ADCY8: variants seen among roughly 807,000 people sequenced by gnomAD.
The protein encoded by ADCY8 is adenylate cyclase 8.
Under a neutral mutation model 119.7 loss-of-function variants are expected in ADCY8, and 51 were observed. The ratio of observed to expected loss-of-function variants is 0.43; its 90% CI spans 0.34 to 0.54. ADCY8 has a LOEUF of 0.54. Among genes scored for constraint, ADCY8 ranks in the 20% least tolerant of loss-of-function variants. The probability of loss-of-function intolerance (pLI) is 0.03; values close to 1 mark genes in which losing one functional copy is unlikely to be tolerated. For missense variants in ADCY8, 1,383 were observed against 1,598.8 expected (o/e 0.87, Z 2.30); for synonymous variants, 665 against 651.0 (o/e 1.02, Z -0.33).
chr8:130,984,767 C>T (rs1474236170), intron 2 of ADCY8, among the ~76,000 whole-genome samples: 1 of 152,078 alleles, frequency 6.6e-6, no homozygotes, highest in Non-Finnish European at 1.5e-5. Flanking sequence ...GCGTGTATCA[C>T]AGAGAAAGAG....
At chr8:130,838,362 T>C (rs1341174221) in intron 11 of ADCY8, among the ~76,000 whole-genome samples, 1 of 152,258 alleles carries the variant, frequency 6.6e-6, no homozygotes, top group East Asian at 1.9e-4. Flanking sequence ...TCAAATGGGA[T>C]GATAGGCTTT....
chr8:130,825,071 G>A (rs531577158), intron 12 of ADCY8, among the ~76,000 whole-genome samples: 14 of 152,202 alleles, frequency 9.2e-5, no homozygotes, highest in African/African-American at 3.1e-4. Context: ...TAATTGATGT[G>A]TAACAATTGT....
chr8:130,926,063 G>A lies in ADCY8; in HGVS notation c.1481+11010C>T, dbSNP rs75544242. ...ATTGCCTGAGGGATAAAGCCCCAGC[G>A]TATCGTACCCTAACCCTATTGTTTT... On this transcript the variant is annotated intron_variant, in intron 5 of 17. Transcript: ENST00000286355. 3.4e-3 allele frequency among the ~76,000 whole-genome samples: 513 copies of A among 152,238 alleles called. 6 individuals carry two copies. Among genetic ancestry groups the A allele is most frequent in the African/African-American group, 0.012 (484 of 41,532 alleles).
intron 8 of ADCY8, among the ~76,000 whole-genome samples, chr8:130,875,529 A>G (rs1250736512): frequency 6.6e-6 from 1 of 152,216 alleles, no homozygotes; most frequent in Admixed American, 6.5e-5. Flanking sequence ...AATGTCCCCA[A>G]GACAAAAATG....
intron 3 of ADCY8, among the ~76,000 whole-genome samples, chr8:130,948,897 C>G (rs1283666393): frequency 4.6e-5 from 7 of 152,064 alleles, no homozygotes; most frequent in African/African-American, 1.7e-4. Context: ...GGGCAGGAGA[C>G]GCCCCGCCGC....
chr8:130,870,018 C>CT (rs563831552), intron 8 of ADCY8, among the ~76,000 whole-genome samples: 60,625 of 115,734 alleles, frequency 0.52, 14,443 homozygotes, highest in East Asian at 0.7. Flanking sequence ...CTTTCTTCTT[C>CT]TTTTTTTTTT....
intron 5 of ADCY8, among the ~76,000 whole-genome samples, chr8:130,924,033 G>A (rs7461923): frequency 0.29 from 43,716 of 152,026 alleles, 7,106 homozygotes; most frequent in East Asian, 0.56. Context: ...TGATCCTTTG[G>A]GTATTGATGG....
At chr8:130,826,189 G>C (rs1323404597) in intron 12 of ADCY8, among the ~76,000 whole-genome samples, 1 of 152,140 alleles carries the variant, frequency 6.6e-6, no homozygotes, top group Non-Finnish European at 1.5e-5. Flanking sequence ...ATCTTCCTAT[G>C]TTTGAAAAGA....
chr8:130,989,077 T>C (rs1822494033), intron 2 of ADCY8, among the ~76,000 whole-genome samples: 1 of 152,252 alleles, frequency 6.6e-6, no homozygotes, highest in Admixed American at 6.5e-5. Flanking sequence ...ATGTTTATTG[T>C]ACAAGGTGTC....
chr8:130,994,618 C>G (rs919069916), intron 1 of ADCY8, among the ~76,000 whole-genome samples: 4 of 152,224 alleles, frequency 2.6e-5, no homozygotes, highest in African/African-American at 9.6e-5. Context: ...TGAGGAATCA[C>G]TGATCCTGTG....
At chr8:130,966,492 G>A (rs771356710) in intron 2 of ADCY8, among the ~76,000 whole-genome samples, 1 of 152,158 alleles carries the variant, frequency 6.6e-6, no homozygotes, top group Non-Finnish European at 1.5e-5. Flanking sequence ...AAATAAATTG[G>A]TACAATAAGG....
intron 14 of ADCY8, among the ~76,000 whole-genome samples, chr8:130,810,774 T>C (rs1227735133): frequency 1.3e-5 from 2 of 152,192 alleles, no homozygotes; most frequent in African/African-American, 2.4e-5. Flanking sequence ...GTCTTATACA[T>C]GCGATTAATG....
chr8:130,848,404 G>T (rs182505836), intron 10 of ADCY8, among the ~76,000 whole-genome samples: 1 of 152,320 alleles, frequency 6.6e-6, no homozygotes, highest in Non-Finnish European at 1.5e-5. Context: ...TTCCATTTCA[G>T]TTATCATAAT....
At chr8:130,997,595 A>T (rs1050329478) in intron 1 of ADCY8, among the ~76,000 whole-genome samples, 1 of 152,218 alleles carries the variant, frequency 6.6e-6, no homozygotes, top group African/African-American at 2.4e-5. Flanking sequence ...GACCATCCAG[A>T]TAGAGTCTCC....
At chr8:130,931,325 T>C (rs1190078222) in intron 5 of ADCY8, among the ~76,000 whole-genome samples, 1 of 152,240 alleles carries the variant, frequency 6.6e-6, no homozygotes, top group African/African-American at 2.4e-5. Flanking sequence ...TTGGGACTCC[T>C]ATATATGGTA....
intron 1 of ADCY8, among the ~76,000 whole-genome samples, chr8:131,009,047 G>C (rs4388440): frequency 0.56 from 84,441 of 152,054 alleles, 24,280 homozygotes; most frequent in East Asian, 0.78. Context: ...AATTTGCAAC[G>C]TGACAATGCA....
chr8:130,891,440 T>G (rs1450314963), intron 7 of ADCY8, among the ~76,000 whole-genome samples: 1 of 152,186 alleles, frequency 6.6e-6, no homozygotes, highest in African/African-American at 2.4e-5. Flanking sequence ...ATTATAATAA[T>G]ATACAATTAT....
chr8:130,903,873 C>G lies in ADCY8; in HGVS notation c.1810G>C (p.Glu604Gln). 6.2e-7 allele frequency: 1 copy of G among 1,614,044 alleles called. No individual in the cohort carries two copies. Among genetic ancestry groups the G allele is most frequent in the Middle Eastern group, 1.7e-4 (1 of 6,052 alleles). The change falls in exon 7 of 18, where the codon GAG becomes CAG. Residue 604 changes from glutamate to glutamine, a missense_variant. By Grantham distance (29) the Glu-to-Gln change is conservative (BLOSUM62 2). Around this residue, in one of 2 missense-constraint regions of ADCY8, gnomAD observed 928 missense variants for 1,163.5 expected, o/e 0.80. Transcript: ENST00000286355. ...LLSLPEDIVK[E>Q]SVSSSDRRNS... ...CTCCGGTCTGAGGAGCTCACTGACTCCTTGACGATATCTTCAGGCAAGGAC... is the reference window on the plus strand; with the variant it reads ...CTCCGGTCTGAGGAGCTCACTGACTGCTTGACGATATCTTCAGGCAAGGAC...
At chr8:130,928,925 T>A (rs1021017441) in intron 5 of ADCY8, among the ~76,000 whole-genome samples, 1 of 152,186 alleles carries the variant, frequency 6.6e-6, no homozygotes, top group African/African-American at 2.4e-5. Flanking sequence ...CTGGGCCTTT[T>A]TTTAGATGAG....
Sources: gnomAD v4.1 joint callset for allele counts (sites outside exome capture counted in the v4.1 genomes callset) on GRCh38, gnomAD v4.1.1 for gene constraint, gnomAD v4.1.1 regional missense constraint, MANE v1.5 for transcripts, NCBI Gene and HGNC (gene_info 2026-07-23, HGNC 2026-07-21) for gene names.